Variants in EXOC6B observed in about 807,000 individuals in gnomAD.
EXOC6B encodes the protein exocyst complex component 6B, also known as SEC15 homolog B.
A neutral mutation model predicts 113.5 loss-of-function variants in EXOC6B; 54 were observed. The observed-to-expected ratio is 0.48, with a 90% CI of 0.38 to 0.60. The LOEUF is 0.60. Ranked by LOEUF, EXOC6B falls within the 20% of genes least tolerant of loss-of-function variation. The probability of loss-of-function intolerance (pLI) is 0.00; values close to 1 mark genes in which losing one functional copy is unlikely to be tolerated. For synonymous variants in EXOC6B, 357 were observed against 339.0 expected (o/e 1.05, Z -0.58); for missense variants, 797 against 977.5 (o/e 0.82, Z 2.46).
intron 18 of EXOC6B, among the ~76,000 whole-genome samples, chr2:72,412,218 C>T (rs1694230854): frequency 6.6e-6 from 1 of 152,122 alleles, no homozygotes; most frequent in Admixed American, 6.6e-5. Flanking sequence ...ATAAGACTGA[C>T]ATCAACAACA....
intron 20 of EXOC6B, among the ~76,000 whole-genome samples, chr2:72,247,948 C>T (rs141855561): frequency 7.9e-5 from 12 of 152,176 alleles, no homozygotes; most frequent in Admixed American, 7.2e-4. Context: ...TAAAAGATGC[C>T]TGGAAAATGG....
chr2:72,404,034 C>G (rs900609083), intron 18 of EXOC6B, among the ~76,000 whole-genome samples: 1 of 152,200 alleles, frequency 6.6e-6, no homozygotes, highest in Non-Finnish European at 1.5e-5. Context: ...TTCCAAGGGT[C>G]TTAGCAAACG....
chr2:72,351,346 G>A (rs577896204), intron 19 of EXOC6B, among the ~76,000 whole-genome samples: 2 of 152,220 alleles, frequency 1.3e-5, no homozygotes, highest in South Asian at 2.1e-4. Flanking sequence ...TAACAATAGC[G>A]ACGTAAGAAA....
chr2:72,438,623 C>A (rs145112649), intron 18 of EXOC6B, among the ~76,000 whole-genome samples: 3 of 151,414 alleles, frequency 2.0e-5, no homozygotes, highest in African/African-American at 7.3e-5. Flanking sequence ...CACTATCTCT[C>A]GAGAAAAAAA....
chr2:72,234,416 A>G (rs573921030), intron 20 of EXOC6B, among the ~76,000 whole-genome samples: 1 of 152,290 alleles, frequency 6.6e-6, no homozygotes, highest in East Asian at 1.9e-4. Context: ...ATTCAACTCA[A>G]GATGGATTAA....
At chr2:72,673,978 G>A (rs1676099587) in intron 6 of EXOC6B, among the ~76,000 whole-genome samples, 1 of 152,000 alleles carries the variant, frequency 6.6e-6, no homozygotes, top group Admixed American at 6.5e-5. Context: ...TAATAGTACA[G>A]TGTCTGACAA....
chr2:72,303,890 C>T (rs917064245), intron 20 of EXOC6B, among the ~76,000 whole-genome samples: 20 of 152,186 alleles, frequency 1.3e-4, no homozygotes, highest in African/African-American at 2.4e-4. Context: ...AGAAGTCCCA[C>T]GTTGGGCAGC....
At chr2:72,547,587 T>G (rs1021672586) in intron 8 of EXOC6B, among the ~76,000 whole-genome samples, 1 of 152,146 alleles carries the variant, frequency 6.6e-6, no homozygotes, top group African/African-American at 2.4e-5. Flanking sequence ...AAGCTACTTG[T>G]TATGGGATGT....
Position 72,179,438 on chromosome 2 carries a change from T to A in EXOC6B, c.2333A>T (p.Asn778Ile). Reference sequence around the variant, plus strand: ...TTTCCGAAACTGTGCAAACATGTTGTTCTTGCGGCTAGTATCCTTCATCCT... The same window carrying A: ...TTTCCGAAACTGTGCAAACATGTTGATCTTGCGGCTAGTATCCTTCATCCT... ...LEKMKDTSRKNNMFAQFRKNE... is the reference protein window; with the variant it reads ...LEKMKDTSRKINMFAQFRKNE... The change falls in exon 22 of 22, where the codon AAC (asparagine) becomes ATC (isoleucine). Residue 778 changes from asparagine to isoleucine, a missense_variant. Physicochemically the swap from Asn to Ile is moderately radical, Grantham distance 149 (BLOSUM62 -3). Transcript: ENST00000272427. 6.2e-7 allele frequency: 1 copy of A among 1,613,916 alleles called. No homozygotes were observed. The highest frequency in any genetic ancestry group is 1.1e-5 in the South Asian group (1 of 91,076).
chr2:72,660,088 CTT>C (rs553912624), intron 6 of EXOC6B, among the ~76,000 whole-genome samples: 4 of 144,864 alleles, frequency 2.8e-5, no homozygotes, highest in African/African-American at 5.0e-5. Flanking sequence ...CATCAATCCT[CTT>C]TTTTTTTTTA....
chr2:72,480,697 C>G lies in EXOC6B; in HGVS notation c.1719G>C (p.Leu573Phe). ...TTHLEKSCKY[L>F]EEFITNITNV... is the part of the protein sequence containing the mutation. ...TAGTGATGTTGGTGATAAATTCTTC[C>G]AAGTACTTACAGGATTTCTCCAAAT... The change falls in exon 17 of 22, where the codon TTG becomes TTC. Residue 573 changes from leucine (L) to phenylalanine (F), a missense_variant. Transcript: ENST00000272427. The G allele has an allele frequency of 6.3e-7, 1 of 1,595,294 alleles. No homozygotes were observed. Among genetic ancestry groups the G allele is most frequent in the Non-Finnish European group, 8.5e-7 (1 of 1,169,730 alleles).
chr2:72,815,706 T>C (rs889663975), intron 1 of EXOC6B, among the ~76,000 whole-genome samples: 1 of 152,162 alleles, frequency 6.6e-6, no homozygotes, highest in Non-Finnish European at 1.5e-5. Flanking sequence ...GAGAACTTTA[T>C]TGAAAGAGCT....
At chr2:72,582,958 T>C (rs1705323179) in intron 6 of EXOC6B, among the ~76,000 whole-genome samples, 1 of 151,930 alleles carries the variant, frequency 6.6e-6, no homozygotes, top group African/African-American at 2.4e-5. Flanking sequence ...ACAAAGAAAC[T>C]TCTAAATTAA....
At chr2:72,374,722 G>A (rs1691245697) in intron 19 of EXOC6B, among the ~76,000 whole-genome samples, 1 of 150,976 alleles carries the variant, frequency 6.6e-6, no homozygotes, top group South Asian at 2.1e-4. Flanking sequence ...AATGCTTAAG[G>A]AGACAGATAT....
chr2:72,228,158 G>A lies in EXOC6B; in HGVS notation c.2197-43971C>T, dbSNP rs566649156. On this transcript the variant is annotated intron_variant, in intron 20 of 21. Coordinates refer to ENST00000272427, the MANE Select transcript of EXOC6B (RefSeq NM_015189.3). ...GCGATCAAAAGTGTCTAAGTATGGG[G>A]CTGATGAGGTATGGTAGGACATGGA... Among the ~76,000 whole-genome samples, 5 of 152,282 alleles carry A rather than the reference G, an allele frequency of 3.3e-5. No individual in the cohort carries two copies. The South Asian group carries it at 1.0e-3, about 32-fold the overall frequency.
intron 20 of EXOC6B, among the ~76,000 whole-genome samples, chr2:72,234,039 C>T (rs528141369): frequency 1.3e-5 from 2 of 151,730 alleles, no homozygotes; most frequent in Non-Finnish European, 2.9e-5. Flanking sequence ...TCCAGCCCAG[C>T]AGTCCTGGCT....
At chr2:72,640,202 C>T (rs1178355779) in intron 6 of EXOC6B, among the ~76,000 whole-genome samples, 2 of 152,042 alleles carry the variant, frequency 1.3e-5, no homozygotes, top group African/African-American at 2.4e-5. Flanking sequence ...GAAAAACACA[C>T]TATAAGAATT....
At chr2:72,365,917 G>C (rs1690598028) in intron 19 of EXOC6B, among the ~76,000 whole-genome samples, 2 of 151,956 alleles carry the variant, frequency 1.3e-5, no homozygotes, top group South Asian at 4.2e-4. Flanking sequence ...AGCTGCTATG[G>C]ACCCACTAGA....
chr2:72,607,653 T>C (rs775829475), intron 6 of EXOC6B, among the ~76,000 whole-genome samples: 21 of 152,100 alleles, frequency 1.4e-4, no homozygotes, highest in Non-Finnish European at 2.4e-4. Flanking sequence ...CAGAAAAAAA[T>C]CAGCCTTCCT....
Sources: allele counts gnomAD v4.1 joint callset (sites outside exome capture counted in the v4.1 genomes callset), GRCh38; gene constraint gnomAD v4.1.1; transcripts MANE v1.5; gene names NCBI Gene and HGNC (gene_info 2026-07-23, HGNC 2026-07-21).